Variants in MBD5 observed in about 807,000 individuals in gnomAD.
MBD5 encodes methyl-CpG-binding domain protein 5.
A neutral mutation model predicts 117.3 loss-of-function variants in MBD5; 13 were observed. The observed-to-expected ratio is 0.11, with a 90% CI of 0.07 to 0.18. The LOEUF (loss-of-function observed/expected upper bound fraction) is 0.18. Ranked by LOEUF, MBD5 falls within the 10% of genes least tolerant of loss-of-function variation. The pLI, the probability that MBD5 is intolerant of heterozygous loss-of-function variation, is 1.00. For synonymous variants in MBD5, 727 were observed against 766.4 expected, an observed-to-expected ratio of 0.95 and a Z score of 0.85; for missense variants, 1,879 against 2,093.8, an observed-to-expected ratio of 0.90 and a Z score of 2.00.
chr2:148,347,367 C>T (rs957585075), intron 4 of MBD5: 7 of 151,952 alleles, frequency 4.6e-5, no homozygotes, highest in Non-Finnish European at 2.9e-5. Context: ...AGAGTGAGAT[C>T]TTGTCTTTAA....
rs1322511597 is a variant in MBD5, at chr2:148,135,631, AT to A, written c.-924-43066del. 1.6e-4 allele frequency among the ~76,000 whole-genome samples: 24 copies of A among 152,138 alleles called. 1 individual carries two copies. The East Asian group carries it at 4.6e-3, about 29-fold the overall frequency. On this transcript the variant is annotated intron_variant, in intron 1 of 13. Coordinates refer to ENST00000642680, the MANE Select transcript of MBD5 (RefSeq NM_001378120.1). Reference sequence around the variant, plus strand: ...TTTGTGTACCCTTGAATACATTATTATTTCCCTTTGCCTAACAATGGCTCTG... The same window carrying A: ...TTTGTGTACCCTTGAATACATTATTATTCCCTTTGCCTAACAATGGCTCTG...
intron 4 of MBD5, among the ~76,000 whole-genome samples, chr2:148,355,866 A>G (rs115815050): frequency 0.01 from 1,534 of 152,246 alleles, 25 homozygotes; most frequent in African/African-American, 0.035. Context: ...TATTGAATCT[A>G]TAAAGTACTT....
intron 2 of MBD5, among the ~76,000 whole-genome samples, chr2:148,224,509 ATTTTTTTTTT>A (rs34659671): frequency 3.3e-4 from 19 of 58,134 alleles, no homozygotes; most frequent in Non-Finnish European, 5.6e-4. Context: ...CGCCTGGCTA[ATTTTTTTTTT>A]TTTTTTTTTT....
chr2:148,038,744 A>G (rs1200345528), intron 1 of MBD5, among the ~76,000 whole-genome samples: 5 of 152,012 alleles, frequency 3.3e-5, no homozygotes, highest in African/African-American at 1.2e-4. Context: ...AAGATTTGTA[A>G]GGAAGTTAGG....
At chr2:148,329,335 C>T (rs952421756) in intron 3 of MBD5, among the ~76,000 whole-genome samples, 1 of 152,114 alleles carries the variant, frequency 6.6e-6, no homozygotes, top group Non-Finnish European at 1.5e-5. Flanking sequence ...TTTAAGAAAA[C>T]AAATGCTTTT....
intron 1 of MBD5, among the ~76,000 whole-genome samples, chr2:148,090,327 C>A (rs547730653): frequency 3.3e-5 from 5 of 152,000 alleles, no homozygotes; most frequent in Non-Finnish European, 5.9e-5. Flanking sequence ...AGAATCTTCC[C>A]TAAATCATTC....
intron 4 of MBD5, among the ~76,000 whole-genome samples, chr2:148,438,358 G>A (rs551102704): frequency 2.6e-4 from 39 of 152,208 alleles, no homozygotes; most frequent in African/African-American, 9.1e-4. Context: ...TGAAACTCTG[G>A]TTACTGCTCA....
intron 1 of MBD5, among the ~76,000 whole-genome samples, chr2:148,054,239 T>TTC (rs1694797162): frequency 6.6e-6 from 1 of 152,182 alleles, no homozygotes; most frequent in South Asian, 2.1e-4. Flanking sequence ...TATGTATAAA[T>TTC]TCTCTTAGTT....
intron 1 of MBD5, among the ~76,000 whole-genome samples, chr2:148,159,013 T>C (rs896691829): frequency 1.2e-4 from 19 of 152,168 alleles, no homozygotes; most frequent in Admixed American, 2.0e-4. Context: ...TGAACCACCG[T>C]GCCCGGCCCC....
At chr2:148,087,019 A>G (rs1695812976) in intron 1 of MBD5, among the ~76,000 whole-genome samples, 1 of 152,170 alleles carries the variant, frequency 6.6e-6, no homozygotes, top group Non-Finnish European at 1.5e-5. Flanking sequence ...AACTGAGGCT[A>G]GAGGTAGAGG....
chr2:148,023,378 A>G (rs1004163715), intron 1 of MBD5, among the ~76,000 whole-genome samples: 5 of 152,216 alleles, frequency 3.3e-5, no homozygotes, highest in African/African-American at 1.2e-4. Context: ...GTAAAATTTT[A>G]ATTATCAACT....
At chr2:148,294,975 A>G (rs1206956480) in intron 3 of MBD5, among the ~76,000 whole-genome samples, 1 of 152,106 alleles carries the variant, frequency 6.6e-6, no homozygotes, top group Non-Finnish European at 1.5e-5. Flanking sequence ...TACTGCGTTC[A>G]AGATTTTCTC....
At chr2:148,204,423 ATTAT>A (rs1366273899) in intron 2 of MBD5, among the ~76,000 whole-genome samples, 4 of 152,224 alleles carry the variant, frequency 2.6e-5, no homozygotes, top group African/African-American at 4.8e-5. Flanking sequence ...AAAAGAATGA[ATTAT>A]TTAAAGATAA....
chr2:148,032,119 G>A (rs895434855), intron 1 of MBD5, among the ~76,000 whole-genome samples: 4 of 151,932 alleles, frequency 2.6e-5, no homozygotes, highest in Non-Finnish European at 5.9e-5. Context: ...TTCTTTAAAC[G>A]GTGGTTATTG....
intron 3 of MBD5, among the ~76,000 whole-genome samples, chr2:148,280,762 T>C (rs1701229004): frequency 6.6e-6 from 1 of 152,194 alleles, no homozygotes; most frequent in Non-Finnish European, 1.5e-5. Context: ...AAAGTAGTTA[T>C]TTCAGCAAAC....
chr2:148,233,614 T>C (rs912062949), intron 3 of MBD5, among the ~76,000 whole-genome samples: 7 of 152,110 alleles, frequency 4.6e-5, no homozygotes, highest in Admixed American at 3.3e-4. Flanking sequence ...GAGTAACAGA[T>C]AGAATAAGGC....
intron 4 of MBD5, among the ~76,000 whole-genome samples, chr2:148,410,500 G>T (rs1481256015): frequency 6.6e-6 from 1 of 152,140 alleles, no homozygotes; most frequent in African/African-American, 2.4e-5. Context: ...CGTGATGTCA[G>T]CTCGCCACAG....
intron 3 of MBD5, among the ~76,000 whole-genome samples, chr2:148,341,892 G>T (rs2105145739): frequency 6.6e-6 from 1 of 151,854 alleles, no homozygotes; most frequent in East Asian, 1.9e-4. Flanking sequence ...AGATATAAAG[G>T]ATCTAGCATT....
In MBD5 at chr2:148,120,021, A is replaced by G. The variant is rs991061925; in HGVS notation, c.-924-58679A>G. Among the ~76,000 whole-genome samples the G allele has an allele frequency of 1.4e-4, 22 of 152,122 alleles. 1 individual carries two copies. The South Asian group carries it at 4.0e-3, about 27-fold the overall frequency. ...AGCCTCAATGTCCAGGGCTCAAGCC[A>G]TCCTCTAATCTCAGCCCCCTAAGTA... is the stretch of plus-strand genomic sequence containing the variant. On this transcript the variant is annotated intron_variant, in intron 1 of 13. Transcript: ENST00000642680.
Sources: gnomAD v4.1 joint callset for allele counts (sites outside exome capture counted in the v4.1 genomes callset) on GRCh38, gnomAD v4.1.1 for gene constraint, MANE v1.5 for transcripts, NCBI Gene and HGNC (gene_info 2026-07-23, HGNC 2026-07-21) for gene names.